NXPH1: variants seen among roughly 807,000 people sequenced by gnomAD.
NXPH1 encodes the protein neurexophilin-1.
A neutral mutation model predicts 23.7 loss-of-function variants in NXPH1; 5 were observed. The observed-to-expected ratio is 0.21, with a 90% CI of 0.11 to 0.44. The LOEUF is 0.44. NXPH1 is among the 20% of genes least tolerant of loss of function. The pLI is 0.99. For synonymous variants in NXPH1, 144 were observed against 122.2 expected (o/e 1.18, Z -1.18); for missense variants, 324 against 321.6 (o/e 1.01, Z -0.06).
chr7:8,626,145 C>T (rs1277443472), intron 2 of NXPH1, among the ~76,000 whole-genome samples: 2 of 151,908 alleles, frequency 1.3e-5, no homozygotes, highest in African/African-American at 2.4e-5. Flanking sequence ...GTGGACTTCA[C>T]TGGCAAACAA....
At chr7:8,467,520 T>C (rs1379709282) in intron 2 of NXPH1, among the ~76,000 whole-genome samples, 1 of 152,200 alleles carries the variant, frequency 6.6e-6, no homozygotes, top group African/African-American at 2.4e-5. Context: ...TTACACTCTT[T>C]ATGTTGTTAA....
intron 2 of NXPH1, among the ~76,000 whole-genome samples, chr7:8,536,610 A>T (rs1481899912): frequency 4.9e-5 from 2 of 40,866 alleles, no homozygotes; most frequent in African/African-American, 1.3e-4. Flanking sequence ...TGGTAGACTT[A>T]AAAAAAGGAA....
Position 8,577,465 on chromosome 7 carries a change from TTTTG to T in NXPH1, c.54+141714_54+141717del, listed in dbSNP as rs1024925116. ...CATTACTTGCTTCAGTATTCCTTGT[TTTTG>T]TTTGTTTGTTTGTTTACTGTTTACA... On this transcript the variant is annotated intron_variant, in intron 2 of 2. Coordinates refer to ENST00000405863, the MANE Select transcript of NXPH1 (RefSeq NM_152745.3). 1.3e-4 allele frequency among the ~76,000 whole-genome samples: 20 copies of T among 152,268 alleles called. No homozygotes were observed. The South Asian group carries it at 1.9e-3, about 14-fold the overall frequency.
chr7:8,489,864 A>G (rs1817220243), intron 2 of NXPH1, among the ~76,000 whole-genome samples: 1 of 152,108 alleles, frequency 6.6e-6, no homozygotes. Context: ...ATTTCTCTGC[A>G]TCTCAATAGC....
chr7:8,725,335 C>A (rs1484414430), intron 2 of NXPH1, among the ~76,000 whole-genome samples: 1 of 151,844 alleles, frequency 6.6e-6, no homozygotes, highest in Non-Finnish European at 1.5e-5. Context: ...ACTAAAAATA[C>A]AAAAATTAAC....
At chr7:8,684,610 A>G (rs6973655) in intron 2 of NXPH1, among the ~76,000 whole-genome samples, 6 of 151,972 alleles carry the variant, frequency 3.9e-5, no homozygotes, top group African/African-American at 1.4e-4. Context: ...CTTACAGAAC[A>G]GTAACTGCAA....
At chr7:8,543,933 T>G (rs573570519) in intron 2 of NXPH1, among the ~76,000 whole-genome samples, 3 of 151,596 alleles carry the variant, frequency 2.0e-5, no homozygotes, top group Non-Finnish European at 4.4e-5. Flanking sequence ...TAGAATTAAT[T>G]TAGCTCGGTT....
At chr7:8,712,783 G>A (rs1365956053) in intron 2 of NXPH1, among the ~76,000 whole-genome samples, 3 of 152,138 alleles carry the variant, frequency 2.0e-5, no homozygotes, top group African/African-American at 4.8e-5. Context: ...CACACATCTA[G>A]TAAATTGCAG....
intron 2 of NXPH1, among the ~76,000 whole-genome samples, chr7:8,613,605 A>C (rs1819666181): frequency 6.6e-6 from 1 of 152,002 alleles, no homozygotes; most frequent in African/African-American, 2.4e-5. Context: ...TCTTTGTAAA[A>C]AGGGACCAGC....
At chr7:8,635,290 C>T (rs986331679) in intron 2 of NXPH1, among the ~76,000 whole-genome samples, 1 of 152,178 alleles carries the variant, frequency 6.6e-6, no homozygotes, top group Non-Finnish European at 1.5e-5. Context: ...TAACACACAG[C>T]AGTCTTTGTT....
At chr7:8,596,269 G>C (rs1288470620) in intron 2 of NXPH1, among the ~76,000 whole-genome samples, 1 of 152,020 alleles carries the variant, frequency 6.6e-6, no homozygotes, top group Non-Finnish European at 1.5e-5. Context: ...TTCTGTTCAG[G>C]AACAGAATGA....
intron 2 of NXPH1, among the ~76,000 whole-genome samples, chr7:8,709,628 A>G: frequency 6.6e-6 from 1 of 152,216 alleles, no homozygotes; most frequent in East Asian, 1.9e-4. Context: ...AAAGAATTTA[A>G]ACAAGGGTGG....
intron 2 of NXPH1, among the ~76,000 whole-genome samples, chr7:8,690,881 C>T (rs536693450): frequency 6.6e-6 from 1 of 152,246 alleles, no homozygotes; most frequent in South Asian, 2.1e-4. Context: ...CTTGCTTTGC[C>T]CAACTTTGAT....
intron 2 of NXPH1, among the ~76,000 whole-genome samples, chr7:8,723,638 A>G (rs1780003808): frequency 6.6e-6 from 1 of 152,098 alleles, no homozygotes; most frequent in Non-Finnish European, 1.5e-5. Flanking sequence ...ATTACACAAA[A>G]CCTCCACAAA....
intron 2 of NXPH1, among the ~76,000 whole-genome samples, chr7:8,486,338 T>G (rs1168523073): frequency 1.3e-5 from 2 of 152,192 alleles, no homozygotes; most frequent in African/African-American, 4.8e-5. Context: ...AGCAAGGCCT[T>G]GGTTCTGACT....
chr7:8,677,308 G>C (rs1003521506), intron 2 of NXPH1, among the ~76,000 whole-genome samples: 1 of 152,168 alleles, frequency 6.6e-6, no homozygotes, highest in Non-Finnish European at 1.5e-5. Context: ...TGATTCCTTA[G>C]AAAGTTAATG....
At chr7:8,598,704 C>G (rs1208240573) in intron 2 of NXPH1, among the ~76,000 whole-genome samples, 1 of 152,138 alleles carries the variant, frequency 6.6e-6, no homozygotes, top group Non-Finnish European at 1.5e-5. Context: ...GTACTTGTAT[C>G]TCTGTTATTA....
At chr7:8,665,293 T>G (rs1820742476) in intron 2 of NXPH1, among the ~76,000 whole-genome samples, 1 of 152,070 alleles carries the variant, frequency 6.6e-6, no homozygotes, top group African/African-American at 2.4e-5. Flanking sequence ...TTCCCCATTG[T>G]GTGTTCTTGG....
intron 2 of NXPH1, among the ~76,000 whole-genome samples, chr7:8,663,109 G>T (rs1820705753): frequency 6.6e-6 from 1 of 152,038 alleles, no homozygotes; most frequent in South Asian, 2.1e-4. Flanking sequence ...TCAGGATGTG[G>T]TCCCACAGAA....
Sources: gnomAD v4.1 joint callset for allele counts (sites outside exome capture counted in the v4.1 genomes callset) on GRCh38, gnomAD v4.1.1 for gene constraint, MANE v1.5 for transcripts, NCBI Gene and HGNC (gene_info 2026-07-23, HGNC 2026-07-21) for gene names.